Variants in AK5 observed in about 807,000 individuals in gnomAD.
The protein encoded by AK5 is adenylate kinase isoenzyme 5.
A neutral mutation model predicts 69.5 loss-of-function variants in AK5; 27 were observed. The observed-to-expected ratio is 0.39, with a 90% confidence interval of 0.29 to 0.54. The LOEUF (loss-of-function observed/expected upper bound fraction) is 0.54, where lower values mean the gene tolerates loss of function less well. AK5 is among the 20% of genes least tolerant of loss of function. The pLI is 0.71. For missense variants in AK5, 531 were observed against 700.4 expected (o/e 0.76, Z 2.73); for synonymous variants, 260 against 244.4 (o/e 1.06, Z -0.60).
intron 13 of AK5, among the ~76,000 whole-genome samples, chr1:77,553,915 C>T (rs976695323): frequency 1.3e-5 from 2 of 152,068 alleles, no homozygotes; most frequent in Non-Finnish European, 2.9e-5. Flanking sequence ...ATGAGGAAGG[C>T]AGACATCCCA....
chr1:77,415,655 C>T (rs1650375777), intron 7 of AK5, among the ~76,000 whole-genome samples: 1 of 152,152 alleles, frequency 6.6e-6, no homozygotes, highest in South Asian at 2.1e-4. Context: ...ACCCTATGAC[C>T]TGCGTCATCA....
chr1:77,442,851 G>A (rs1369930969), intron 8 of AK5, among the ~76,000 whole-genome samples: 1 of 152,116 alleles, frequency 6.6e-6, no homozygotes, highest in Non-Finnish European at 1.5e-5. Context: ...CAATTGCTTG[G>A]CAGATGTCCT....
chr1:77,288,310 G>A (rs1198600415), intron 2 of AK5, among the ~76,000 whole-genome samples: 1 of 152,156 alleles, frequency 6.6e-6, no homozygotes, highest in Non-Finnish European at 1.5e-5. Context: ...GTGCAAATTA[G>A]AATCAGTTCA....
intron 6 of AK5, among the ~76,000 whole-genome samples, chr1:77,361,839 C>T (rs1198701611): frequency 1.3e-5 from 2 of 152,138 alleles, no homozygotes; most frequent in Non-Finnish European, 2.9e-5. Flanking sequence ...TCCTCACCCC[C>T]GCCGTAATTC....
intron 6 of AK5, among the ~76,000 whole-genome samples, chr1:77,363,853 C>T (rs959964644): frequency 9.9e-5 from 15 of 152,216 alleles, no homozygotes; most frequent in African/African-American, 3.4e-4. Flanking sequence ...CCTGATCCTT[C>T]CTACCTGCTT....
chr1:77,346,658 A>C (rs894462923), intron 6 of AK5, among the ~76,000 whole-genome samples: 1 of 151,814 alleles, frequency 6.6e-6, no homozygotes, highest in South Asian at 2.1e-4. Flanking sequence ...CACCATGCCC[A>C]CCTAATTTTT....
intron 6 of AK5, among the ~76,000 whole-genome samples, chr1:77,373,222 T>A (rs3911295): frequency 0.19 from 29,524 of 151,936 alleles, 3,260 homozygotes; most frequent in Middle Eastern, 0.32. Context: ...TAAAAAAAAA[T>A]ATTTTACATT....
rs188795982 is a variant in AK5, at chr1:77,368,124, C to T, written c.891+27556C>T. ...GCTTAAGGTATATATAAGTTAAAAGCGAATTTTAAGTCACTGAGTAATTTA... is the reference window on the plus strand; with the variant it reads ...GCTTAAGGTATATATAAGTTAAAAGTGAATTTTAAGTCACTGAGTAATTTA... On this transcript the variant is annotated intron_variant, in intron 6 of 13. Coordinates refer to ENST00000354567, the MANE Select transcript of AK5 (RefSeq NM_174858.3). Among the ~76,000 whole-genome samples, 995 of 132,132 alleles carry T rather than the reference C, an allele frequency of 7.5e-3. 7 individuals are homozygous for T. Among genetic ancestry groups the T allele is most frequent in the African/African-American group, 0.025 (925 of 36,566 alleles). 86.7% of individuals were successfully genotyped at this position (132,132 alleles called of 152,430 possible).
chr1:77,321,738 T>C (rs147376783), intron 5 of AK5, among the ~76,000 whole-genome samples: 2 of 152,262 alleles, frequency 1.3e-5, no homozygotes, highest in Non-Finnish European at 2.9e-5. Flanking sequence ...CGTTGTTAAA[T>C]AGAAGTAGTA....
intron 5 of AK5, among the ~76,000 whole-genome samples, chr1:77,302,341 C>G (rs4949791): frequency 0.098 from 14,995 of 152,272 alleles, 900 homozygotes; most frequent in Middle Eastern, 0.19. Flanking sequence ...GTGCTAGTAA[C>G]TATATCATAA....
At chr1:77,498,516 G>T (rs904930608) in intron 10 of AK5, among the ~76,000 whole-genome samples, 2 of 152,206 alleles carry the variant, frequency 1.3e-5, no homozygotes, top group African/African-American at 4.8e-5. Context: ...GCTCCTACAT[G>T]TACAGCTGTG....
At chr1:77,288,409 T>C (rs1461090998) in intron 2 of AK5, among the ~76,000 whole-genome samples, 1 of 152,100 alleles carries the variant, frequency 6.6e-6, no homozygotes, top group Non-Finnish European at 1.5e-5. Context: ...CAACAAAAGG[T>C]TTATGCTATA....
intron 6 of AK5, among the ~76,000 whole-genome samples, chr1:77,376,460 A>C (rs965930054): frequency 4.9e-5 from 7 of 144,110 alleles, no homozygotes; most frequent in Non-Finnish European, 1.1e-4. Context: ...ACAAAAAAAA[A>C]AAACATGTCT....
chr1:77,342,909 C>A (rs979979234), intron 6 of AK5, among the ~76,000 whole-genome samples: 2 of 151,564 alleles, frequency 1.3e-5, no homozygotes, highest in South Asian at 4.2e-4. Flanking sequence ...TACTGAAAAC[C>A]AGGATACTCT....
chr1:77,455,709 C>G (rs942798022), intron 8 of AK5, among the ~76,000 whole-genome samples: 2 of 152,108 alleles, frequency 1.3e-5, no homozygotes, highest in African/African-American at 4.8e-5. Context: ...GCTCTGTACC[C>G]AATAGTCATT....
chr1:77,483,028 A>T (rs1353116934), intron 8 of AK5, among the ~76,000 whole-genome samples: 1 of 92,426 alleles, frequency 1.1e-5, no homozygotes, highest in African/African-American at 3.9e-5. Context: ...AAAAAAAAAA[A>T]AAAAAAAAAA....
intron 12 of AK5, among the ~76,000 whole-genome samples, chr1:77,530,729 A>T (rs539294965): frequency 6.6e-6 from 1 of 152,306 alleles, no homozygotes; most frequent in African/African-American, 2.4e-5. Context: ...TTAAATGAGG[A>T]AACTGAGGCA....
rs1175338905 is a variant in AK5, at chr1:77,541,360, G to A, written c.1620+5322G>A. ...GATTATTTGAGCCCAGGAGGTTGAGGCTGCAGTGAACCAAGATAGTGCCAC... is the reference window on the plus strand; with the variant it reads ...GATTATTTGAGCCCAGGAGGTTGAGACTGCAGTGAACCAAGATAGTGCCAC... On this transcript the variant is annotated intron_variant, in intron 13 of 13. Transcript: ENST00000354567. 2.0e-5 allele frequency among the ~76,000 whole-genome samples: 3 copies of A among 152,280 alleles called. No homozygotes were observed. In the East Asian group the frequency reaches 5.8e-4, roughly 29 times the overall value.
chr1:77,537,726 A>T (rs1659047017), intron 13 of AK5, among the ~76,000 whole-genome samples: 1 of 152,226 alleles, frequency 6.6e-6, no homozygotes, highest in African/African-American at 2.4e-5. Context: ...ATGAATTCTT[A>T]TCTTCTAACT....
Sources: gnomAD v4.1 joint callset for allele counts (sites outside exome capture counted in the v4.1 genomes callset) on GRCh38, gnomAD v4.1.1 for gene constraint, MANE v1.5 for transcripts, NCBI Gene and HGNC (gene_info 2026-07-23, HGNC 2026-07-21) for gene names.